The following ANO1 variants were observed in gnomAD, a reference collection of about 807,000 sequenced individuals.
ANO1 encodes anoctamin-1.
In ANO1, 59 loss-of-function variants were observed where a neutral mutation model predicts 124.0. The observed-to-expected ratio is 0.48, with a 90% CI of 0.39 to 0.59. ANO1 has a LOEUF of 0.59. Among genes scored for constraint, ANO1 ranks in the 20% least tolerant of loss-of-function variants. ANO1 has a pLI of 0.00. For synonymous variants in ANO1, 529 were observed against 532.0 expected (o/e 0.99, Z 0.08); for missense variants, 1,059 against 1,328.0 (o/e 0.80, Z 3.15).
At chr11:70,010,179 G>GTATATATATATGTATATGTATATATATA (rs1555000857) in intron 1 of ANO1, among the ~76,000 whole-genome samples, 1 of 83,776 alleles carries the variant, frequency 1.2e-5, no homozygotes, top group Admixed American at 1.3e-4. Context: ...GTGTGTGTGT[G>GTATATATATATGTATATGTATATATATA]TATATATATA....
intron 21 of ANO1, among the ~76,000 whole-genome samples, chr11:70,168,975 C>G (rs1346379418): frequency 1.3e-5 from 2 of 152,198 alleles, no homozygotes; most frequent in African/African-American, 4.8e-5. Flanking sequence ...AAAGTCCAAG[C>G]TGAACCAGGG....
the ANO1 span, among the ~76,000 whole-genome samples, chr11:69,973,957 A>T: frequency 6.6e-6 from 1 of 152,204 alleles, no homozygotes; most frequent in Non-Finnish European, 1.5e-5. Context: ...AAAAAATAAG[A>T]CAATCTGGAA....
intron 22 of ANO1, among the ~76,000 whole-genome samples, chr11:70,173,208 C>T (rs1020770510): frequency 2.6e-5 from 4 of 152,284 alleles, no homozygotes; most frequent in Admixed American, 6.5e-5. Context: ...GTGATTCACC[C>T]GGCAGCTTCA....
intron 6 of ANO1, among the ~76,000 whole-genome samples, chr11:70,108,881 G>C (rs1411913691): frequency 2.0e-5 from 3 of 152,222 alleles, no homozygotes; most frequent in African/African-American, 7.2e-5. Flanking sequence ...AATTCCGGAA[G>C]CTGCCACAAA....
chr11:69,979,900 T>C, the ANO1 span, among the ~76,000 whole-genome samples: 5 of 152,260 alleles, frequency 3.3e-5, no homozygotes, highest in East Asian at 1.9e-4. Flanking sequence ...CATGCCTCCA[T>C]AGCACACCCG....
intron 12 of ANO1, among the ~76,000 whole-genome samples, chr11:70,150,683 C>T (rs1264975218): frequency 6.6e-6 from 1 of 152,116 alleles, no homozygotes; most frequent in African/African-American, 2.4e-5. Context: ...TACAGACACA[C>T]ACAACCATGC....
chr11:70,013,801 A>T (rs369699281), intron 1 of ANO1, among the ~76,000 whole-genome samples: 5 of 149,454 alleles, frequency 3.3e-5, no homozygotes, highest in African/African-American at 9.9e-5. Flanking sequence ...GCCTCCATCT[A>T]AAAAAAAGAA....
chr11:70,012,589 T>C (rs1319611854), intron 1 of ANO1, among the ~76,000 whole-genome samples: 1 of 151,204 alleles, frequency 6.6e-6, no homozygotes, highest in Admixed American at 6.6e-5. Context: ...CATCTGGCAA[T>C]CTATTCATTC....
Position 70,163,625 on chromosome 11 carries a change from T to G in ANO1, c.1950+285T>G, listed in dbSNP as rs1278057513. The G allele has an allele frequency of 5.0e-6, 3 of 597,494 alleles. No homozygotes were observed. In the African/African-American group the frequency reaches 5.6e-5, roughly 11 times the overall value. 37.0% of individuals were successfully genotyped at this position (597,494 alleles called of 1,614,324 possible). A position where few individuals can be genotyped will look rare whatever the true frequency, so the allele number is the denominator to read the frequency against. On this transcript the variant is annotated intron_variant, in intron 19 of 25. Coordinates refer to ENST00000355303, the MANE Select transcript of ANO1 (RefSeq NM_018043.7). ...TTTTCTTTTTTTGTGAGACTGAATATTTCTCTTCTGGTTAAGATGAATTAA... is the reference window on the plus strand; with the variant it reads ...TTTTCTTTTTTTGTGAGACTGAATAGTTCTCTTCTGGTTAAGATGAATTAA...
chr11:70,078,125 G>A (rs967947488), upstream of ANO1, among the ~76,000 whole-genome samples: 2 of 152,112 alleles, frequency 1.3e-5, no homozygotes, highest in Admixed American at 1.3e-4. Context: ...TTTCACACCC[G>A]GTATGAAAAC....
intron 1 of ANO1, among the ~76,000 whole-genome samples, chr11:70,049,592 G>T (rs1857317604): frequency 6.6e-6 from 1 of 152,166 alleles, no homozygotes; most frequent in East Asian, 1.9e-4. Flanking sequence ...ATGCTAAAAG[G>T]TAATGGTGGG....
At chr11:70,062,035 TAG>T (rs1308970508) in intron 1 of ANO1, among the ~76,000 whole-genome samples, 1 of 149,724 alleles carries the variant, frequency 6.7e-6, no homozygotes, top group Non-Finnish European at 1.5e-5. Flanking sequence ...ACTTTGGAAA[TAG>T]AGAGGTGATT....
At chr11:70,014,674 G>A (rs1263521902) in intron 1 of ANO1, among the ~76,000 whole-genome samples, 1 of 152,112 alleles carries the variant, frequency 6.6e-6, no homozygotes. Flanking sequence ...GAGCAGGATT[G>A]CTGGGTTGTG....
intron 22 of ANO1, among the ~76,000 whole-genome samples, chr11:70,174,966 G>C (rs1190979688): frequency 1.3e-5 from 2 of 148,728 alleles, no homozygotes; most frequent in Non-Finnish European, 3.0e-5. Flanking sequence ...CCCACACTGA[G>C]TCCTCACAAA....
intron 8 of ANO1, among the ~76,000 whole-genome samples, chr11:70,123,356 T>C (rs760052354): frequency 4.6e-5 from 7 of 152,168 alleles, no homozygotes; most frequent in Non-Finnish European, 7.4e-5. Flanking sequence ...CCCCTCCCTG[T>C]TTGTCAGTGG....
At chr11:70,018,432 A>C (rs1190054559) in intron 1 of ANO1, 2 of 152,134 alleles carry the variant, frequency 1.3e-5, no homozygotes, top group Admixed American at 6.5e-5. Flanking sequence ...CTTTGTGGGC[A>C]GGTGGGCTGT....
chr11:69,969,621 G>A, the ANO1 span, among the ~76,000 whole-genome samples: 1 of 152,148 alleles, frequency 6.6e-6, no homozygotes, highest in Non-Finnish European at 1.5e-5. Context: ...CGGGTCGCAG[G>A]GTAAAGAGAA....
intron 8 of ANO1, among the ~76,000 whole-genome samples, chr11:70,122,446 CTCTCTCTG>C (rs1380954839): frequency 6.7e-6 from 1 of 149,570 alleles, no homozygotes; most frequent in Admixed American, 6.6e-5. Flanking sequence ...ACCTCCCCAC[CTCTCTCTG>C]TCTCTCTGTC....
intron 8 of ANO1, among the ~76,000 whole-genome samples, chr11:70,117,008 C>T (rs2046000153): frequency 6.6e-6 from 1 of 151,852 alleles, no homozygotes; most frequent in South Asian, 2.1e-4. Flanking sequence ...ACCTGGAACC[C>T]TTTTAATGGA....
Sources: gnomAD v4.1 joint callset for allele counts (sites outside exome capture counted in the v4.1 genomes callset) on GRCh38, gnomAD v4.1.1 for gene constraint, MANE v1.5 for transcripts, NCBI Gene and HGNC (gene_info 2026-07-23, HGNC 2026-07-21) for gene names.